The following TCF4 variants were observed in gnomAD, a reference collection of about 807,000 sequenced individuals.
TCF4 encodes transcription factor 4, also known as SL3-3 enhancer factor 2.
A neutral mutation model predicts 82.1 loss-of-function variants in TCF4; 3 were observed. The observed-to-expected ratio is 0.04, with a 90% CI of 0.02 to 0.09. The LOEUF (loss-of-function observed/expected upper bound fraction) is 0.09, where lower values mean the gene tolerates loss of function less well. TCF4 is among the 10% of genes least tolerant of loss of function. The probability of loss-of-function intolerance (pLI) is 1.00; values close to 1 mark genes in which losing one functional copy is unlikely to be tolerated. For missense variants in TCF4, 518 were observed against 852.7 expected (o/e 0.61, Z 4.89); for synonymous variants, 276 against 309.6 (o/e 0.89, Z 1.14).
intron 3 of TCF4, among the ~76,000 whole-genome samples, chr18:55,573,836 C>T (rs759680348): frequency 5.9e-5 from 9 of 152,180 alleles, no homozygotes; most frequent in Non-Finnish European, 1.2e-4. Context: ...CAGAAACATG[C>T]CTGTCTTGCT....
At chr18:55,507,691 A>G (rs2096778264) in intron 3 of TCF4, among the ~76,000 whole-genome samples, 1 of 152,196 alleles carries the variant, frequency 6.6e-6, no homozygotes. Flanking sequence ...GAACAGCAAC[A>G]GCTAAGGGGA....
intron 3 of TCF4, among the ~76,000 whole-genome samples, chr18:55,502,362 T>C (rs971610134): frequency 6.6e-6 from 1 of 152,238 alleles, no homozygotes; most frequent in Admixed American, 6.5e-5. Context: ...TGCAGTTTCA[T>C]ATGAGAGGTC....
At chr18:55,255,583 T>G (rs1356715327) in intron 14 of TCF4, among the ~76,000 whole-genome samples, 1 of 152,204 alleles carries the variant, frequency 6.6e-6, no homozygotes, top group African/African-American at 2.4e-5. Context: ...TTTTAAAAAC[T>G]GATCAATAAT....
At position 55,240,164 on chromosome 18, in the gene TCF4, T is replaced by G. The variant is rs2050771150; in HGVS notation, c.1351-5481A>C. 2.0e-5 allele frequency among the ~76,000 whole-genome samples: 3 copies of G among 152,350 alleles called. No homozygotes were observed. In the South Asian group the frequency reaches 6.2e-4, roughly 32 times the overall value. Reference sequence around the variant, plus strand: ...ATTTTGGTACATCAAAATTAAAGTTTGCTATTAATGGCATCTGGTTTCCAA... The same window carrying G: ...ATTTTGGTACATCAAAATTAAAGTTGGCTATTAATGGCATCTGGTTTCCAA... On this transcript the variant is annotated intron_variant, in intron 15 of 19. Coordinates refer to ENST00000354452, the MANE Select transcript of TCF4 (RefSeq NM_001083962.2).
rs530261313 is a variant in TCF4 at position 55,303,437 on chromosome 18, T to A, written c.550-23781A>T. On this transcript the variant is annotated intron_variant, in intron 8 of 19. Transcript: ENST00000354452. ...GCCTTCGTGTCCCTACTACATAGAA[T>A]CATGACTGCAACTCTAGGGAGGAAT... is the stretch of plus-strand genomic sequence containing the variant. 7.2e-5 allele frequency among the ~76,000 whole-genome samples: 11 copies of A among 152,304 alleles called. 1 individual carries two copies. The South Asian group carries it at 2.3e-3, about 32-fold the overall frequency.
At chr18:55,316,056 A>G (rs1046111978) in intron 8 of TCF4, among the ~76,000 whole-genome samples, 1 of 152,134 alleles carries the variant, frequency 6.6e-6, no homozygotes, top group Non-Finnish European at 1.5e-5. Context: ...AACTTGAAAA[A>G]GCTTAAAACT....
intron 2 of TCF4, among the ~76,000 whole-genome samples, chr18:55,621,809 A>G (rs1298433206): frequency 2.3e-5 from 2 of 88,382 alleles, no homozygotes; most frequent in Non-Finnish European, 4.0e-5. Context: ...ATGTTATATT[A>G]TATATTATAT....
chr18:55,228,374 A>G lies in TCF4; in HGVS notation c.1880-13T>C, dbSNP rs552013989. 1.1e-5 allele frequency: 17 copies of G among 1,613,492 alleles called. No homozygotes were observed. The South Asian group carries it at 1.6e-4, about 16-fold the overall frequency. Reference sequence around the variant, plus strand: ...TTCAGATTCCTTTCTGTGGAGGATTAAAGCACAGAACCTTTGTTTAATGCT... The same window carrying G: ...TTCAGATTCCTTTCTGTGGAGGATTGAAGCACAGAACCTTTGTTTAATGCT... On this transcript the variant is annotated splice_polypyrimidine_tract_variant and intron_variant, in intron 18 of 19. Transcript: ENST00000354452.
At chr18:55,283,917 C>T (rs558073536) in intron 8 of TCF4, among the ~76,000 whole-genome samples, 1 of 152,230 alleles carries the variant, frequency 6.6e-6, no homozygotes, top group African/African-American at 2.4e-5. Flanking sequence ...AGCTGTCTTT[C>T]CAGGTTGCAC....
At chr18:55,270,582 CT>C (rs2060144726) in intron 10 of TCF4, among the ~76,000 whole-genome samples, 1 of 152,138 alleles carries the variant, frequency 6.6e-6, no homozygotes, top group Admixed American at 6.6e-5. Context: ...GACCACATGA[CT>C]TATTTTGGTT....
Position 55,524,035 on chromosome 18 carries a change from A to T in TCF4, c.146-59898T>A, listed in dbSNP as rs188031480. 4.9e-4 allele frequency among the ~76,000 whole-genome samples: 75 copies of T among 152,278 alleles called. 1 individual carries two copies. The highest frequency in any genetic ancestry group is 1.6e-3 in the Admixed American group (24 of 15,288). The stretch of plus-strand genomic sequence containing the variant: ...TATTGCCGAAATCAATCTTTCCAAC[A>T]TGCAGATTTAATAATTTTTAATATT... On this transcript the variant is annotated intron_variant, in intron 3 of 19. Coordinates refer to ENST00000354452, the MANE Select transcript of TCF4 (RefSeq NM_001083962.2).
At chr18:55,615,657 C>T (rs961769287) in intron 2 of TCF4, among the ~76,000 whole-genome samples, 1 of 152,084 alleles carries the variant, frequency 6.6e-6, no homozygotes, top group African/African-American at 2.4e-5. Flanking sequence ...TAGTTGTAGA[C>T]TTCCATCAAT....
At position 55,532,183 on chromosome 18, in the gene TCF4, T is replaced by C. The variant is rs139167998; in HGVS notation, c.145+53097A>G. Among the ~76,000 whole-genome samples, 659 of 152,322 alleles carry C rather than the reference T, an allele frequency of 4.3e-3. 3 individuals carry two copies. The highest frequency in any genetic ancestry group is 0.015 in the African/African-American group (625 of 41,572). ...CCACAGTGTTATTTTCAAAAAGGAA[T>C]CACCTAGCTTGTACTTCATGAAGTG... On this transcript the variant is annotated intron_variant, in intron 3 of 19. Transcript: ENST00000354452.
chr18:55,277,140 C>G (rs906982458), intron 9 of TCF4, among the ~76,000 whole-genome samples: 5 of 152,114 alleles, frequency 3.3e-5, no homozygotes, highest in Non-Finnish European at 5.9e-5. Flanking sequence ...CACCAAGTAC[C>G]CCTCTACTGA....
At chr18:55,457,496 CT>C (rs1307820795) in intron 5 of TCF4, among the ~76,000 whole-genome samples, 9 of 144,060 alleles carry the variant, frequency 6.2e-5, no homozygotes, top group Admixed American at 6.2e-4. Flanking sequence ...CATTTTATTA[CT>C]TTTTTTTGAG....
At chr18:55,496,405 A>T (rs2096636413) in intron 3 of TCF4, 1 of 139,782 alleles carries the variant, frequency 7.2e-6, no homozygotes, top group African/African-American at 2.5e-5. Context: ...AAACAAAAAA[A>T]CTAAAAAAAA....
chr18:55,472,772 A>G (rs2096212776), intron 3 of TCF4, among the ~76,000 whole-genome samples: 1 of 152,210 alleles, frequency 6.6e-6, no homozygotes, highest in African/African-American at 2.4e-5. Flanking sequence ...ATCTAACTTC[A>G]ACATTACACA....
intron 6 of TCF4, among the ~76,000 whole-genome samples, chr18:55,365,189 A>ATGTG (rs1275422832): frequency 2.0e-4 from 22 of 108,588 alleles, no homozygotes; most frequent in African/African-American, 7.0e-4. Flanking sequence ...ATATATATAT[A>ATGTG]TATGTGTGTG....
intron 5 of TCF4, among the ~76,000 whole-genome samples, chr18:55,419,369 C>T (rs2094643268): frequency 3.3e-5 from 5 of 151,884 alleles, no homozygotes; most frequent in African/African-American, 7.3e-5. Context: ...GAAAGAATGA[C>T]GTTAGAGGTA....
Sources: gnomAD v4.1 joint callset for allele counts (sites outside exome capture counted in the v4.1 genomes callset) on GRCh38, gnomAD v4.1.1 for gene constraint, MANE v1.5 for transcripts, NCBI Gene and HGNC (gene_info 2026-07-23, HGNC 2026-07-21) for gene names.